HMGB1: variants seen among roughly 807,000 people sequenced by gnomAD.
HMGB1 encodes the protein high mobility group protein B1.
For missense variants in HMGB1, 79 were observed against 253.5 expected, an observed-to-expected ratio of 0.31 and a Z score of 4.67; for synonymous variants, 81 against 84.0, an observed-to-expected ratio of 0.96 and a Z score of 0.19.
At chr13:30,463,105 G>A (rs547646618) in intron 3 of HMGB1, 102 bp downstream of exon 3, 194 of 1,157,450 alleles carry the variant, frequency 1.7e-4, no homozygotes, top group Middle Eastern at 1.1e-3. Flanking sequence ...AAGAAACTTT[G>A]ATTGTACATT....
At chr13:30,486,488 G>A (rs955462663) in intron 1 of HMGB1, among the ~76,000 whole-genome samples, 1 of 152,208 alleles carries the variant, frequency 6.6e-6, no homozygotes, top group Admixed American at 6.5e-5. Context: ...ATCTACTGCT[G>A]CCACAGCCCA....
intron 3 of HMGB1, 71 bp downstream of exon 3, chr13:30,463,136 T>C (rs1408492777): frequency 7.7e-6 from 11 of 1,426,122 alleles, no homozygotes; most frequent in Non-Finnish European, 1.1e-5. Flanking sequence ...ACTGACAAAG[T>C]AGCTTGCTAA....
chr13:30,465,147 C>G, intron 1 of HMGB1: 2 of 969,314 alleles, frequency 2.1e-6, no homozygotes, highest in Non-Finnish European at 2.4e-6. Flanking sequence ...GGGCCCGAGT[C>G]AGCCATGTTC....
Position 30,459,231 on chromosome 13 carries a change from G to C in HMGB1, c.*2126C>G, listed in dbSNP as rs913190988. 8 of 152,072 alleles carry C rather than the reference G, an allele frequency of 5.3e-5. No individual in the cohort carries two copies. The highest frequency in any genetic ancestry group is 1.7e-4 in the African/African-American group (7 of 41,400). The allele number at this position is 152,072 out of a possible 1,614,324, so 9.4% of individuals were successfully genotyped here. The stretch of plus-strand genomic sequence containing the variant: ...TTGAGTTTTAGACATCCAACTTCTA[G>C]GGGATACTGTTAGAACACCAAACCA... On this transcript the variant is annotated 3_prime_UTR_variant, in exon 5 of 5. Transcript: ENST00000341423.
chr13:30,463,364 T>G lies in HMGB1; in HGVS notation c.151-12A>C. 6.3e-6 allele frequency: 10 copies of G among 1,589,004 alleles called. No homozygotes were observed. The highest frequency in any genetic ancestry group is 7.7e-6 in the Non-Finnish European group (9 of 1,171,400). The stretch of plus-strand genomic sequence containing the variant: ...TTAGCAGACATGGTCTACAAAATAA[T>G]TATTTGTAAGTTTAAGTTGTAACAT... On this transcript the variant is annotated splice_polypyrimidine_tract_variant and intron_variant, in intron 2 of 4. Transcript: ENST00000341423.
intron 1 of HMGB1, among the ~76,000 whole-genome samples, chr13:30,529,568 C>T (rs116289645): frequency 6.6e-6 from 1 of 152,132 alleles, no homozygotes; most frequent in Admixed American, 6.5e-5. Context: ...CTTAGGCATA[C>T]GAGGCACTGC....
rs761580866 is a variant in HMGB1, at chr13:30,559,292, T to A, written c.-15+57379A>T. 6.6e-6 allele frequency among the ~76,000 whole-genome samples: 1 copy of A among 152,138 alleles called. No homozygotes were observed. The highest frequency in any genetic ancestry group is 1.5e-5 in the Non-Finnish European group (1 of 68,028). The stretch of plus-strand genomic sequence containing the variant: ...CTAGAGTGGCTAGGGAAGCACACTA[T>A]GGGACAACCTTTCCTCACCATTGAC... On this transcript the variant is annotated intron_variant, in intron 1 of 4. Coordinates refer to the HMGB1 transcript ENST00000405805. The surrounding 1 kb of genome is among the most constrained non-coding windows in gnomAD (Gnocchi z 6.6).
At chr13:30,571,975 C>G (rs1870454104) in intron 1 of HMGB1, among the ~76,000 whole-genome samples, 1 of 152,028 alleles carries the variant, frequency 6.6e-6, no homozygotes, top group Admixed American at 6.5e-5. Context: ...GAGACTACAC[C>G]TGAGGCAATT....
At chr13:30,470,316 C>T (rs556037532), upstream of HMGB1, among the ~76,000 whole-genome samples, 1 of 152,312 alleles carries the variant, frequency 6.6e-6, no homozygotes, top group African/African-American at 2.4e-5. Context: ...TTTAACCTTC[C>T]TCTTCTATCT....
intron 1 of HMGB1, among the ~76,000 whole-genome samples, chr13:30,562,148 C>T (rs1869983544): frequency 6.6e-6 from 1 of 151,912 alleles, no homozygotes; most frequent in African/African-American, 2.4e-5. Context: ...ATGGCAAAAT[C>T]CCACCTCTAC....
chr13:30,592,568 C>T (rs56729724), intron 1 of HMGB1, among the ~76,000 whole-genome samples: 8,213 of 152,152 alleles, frequency 0.054, 580 homozygotes, highest in African/African-American at 0.16. Context: ...GTATTTTGGG[C>T]ACCCCAAGTT....
At chr13:30,519,414 G>T in intron 1 of HMGB1, among the ~76,000 whole-genome samples, 1 of 147,272 alleles carries the variant, frequency 6.8e-6, no homozygotes, top group Admixed American at 6.8e-5. Flanking sequence ...AAAGTAAAAA[G>T]GCCGGGCGCG....
At chr13:30,489,501 C>T (rs1887436090) in intron 1 of HMGB1, among the ~76,000 whole-genome samples, 1 of 152,140 alleles carries the variant, frequency 6.6e-6, no homozygotes, top group Non-Finnish European at 1.5e-5. Flanking sequence ...TTGTTCGGTA[C>T]ATATTTTTAA....
At chr13:30,503,261 G>A (rs1593278935) in intron 1 of HMGB1, among the ~76,000 whole-genome samples, 7 of 151,808 alleles carry the variant, frequency 4.6e-5, no homozygotes, top group Admixed American at 4.6e-4. Flanking sequence ...GGAGAATGGC[G>A]TGAACCCGGG....
chr13:30,571,448 C>T (rs1870426142), intron 1 of HMGB1, among the ~76,000 whole-genome samples: 1 of 152,142 alleles, frequency 6.6e-6, no homozygotes, highest in South Asian at 2.1e-4. Context: ...GCATGTGCCA[C>T]CATGCCCGGC....
chr13:30,520,944 A>T (rs1313476010), intron 1 of HMGB1, among the ~76,000 whole-genome samples: 1 of 151,896 alleles, frequency 6.6e-6, no homozygotes. Flanking sequence ...GGAGCGCTTC[A>T]CTCTTCCTTC....
intron 1 of HMGB1, among the ~76,000 whole-genome samples, chr13:30,545,610 A>G (rs1869118100): frequency 6.6e-6 from 1 of 152,154 alleles, no homozygotes; most frequent in Non-Finnish European, 1.5e-5. Flanking sequence ...TATGTCAGCC[A>G]CTAGCCATAT....
chr13:30,503,692 C>T (rs7987977), intron 1 of HMGB1, among the ~76,000 whole-genome samples: 1 of 134,102 alleles, frequency 7.5e-6, no homozygotes, highest in Non-Finnish European at 1.5e-5. Context: ...AGGTGCTAAG[C>T]TTAGGTGCTG....
At chr13:30,598,841 AATTTATT>A (rs1871728690) in intron 1 of HMGB1, among the ~76,000 whole-genome samples, 1 of 152,038 alleles carries the variant, frequency 6.6e-6, no homozygotes, top group African/African-American at 2.4e-5. Context: ...CTACAACAAA[AATTTATT>A]ATTTATTTTA....
Sources: allele counts gnomAD v4.1 joint callset (sites outside exome capture counted in the v4.1 genomes callset), GRCh38; gene constraint gnomAD v4.1.1; non-coding constraint Gnocchi (gnomAD v3.1); transcripts MANE v1.5; gene names NCBI Gene and HGNC (gene_info 2026-07-23, HGNC 2026-07-21).